The following JMJD1C variants were observed in gnomAD, a reference collection of about 807,000 sequenced individuals.
JMJD1C encodes jumonji domain containing 1C.
JMJD1C carries 31 observed loss-of-function variants against 245.3 expected under a neutral mutation model. The ratio of observed to expected loss-of-function variants is 0.13; its 90% CI spans 0.09 to 0.17. The LOEUF is 0.17. JMJD1C is among the 10% of genes least tolerant of loss of function. JMJD1C has a pLI of 1.00. For synonymous variants in JMJD1C, 1,057 were observed against 1,017.4 expected (o/e 1.04, Z -0.74); for missense variants, 2,691 against 3,000.2 (o/e 0.90, Z 2.41).
intron 2 of JMJD1C, among the ~76,000 whole-genome samples, chr10:63,318,050 C>T (rs1275015114): frequency 6.6e-6 from 1 of 152,170 alleles, no homozygotes; most frequent in Non-Finnish European, 1.5e-5. Flanking sequence ...CTCTATCACC[C>T]AGGCTGGAGT....
chr10:63,221,024 T>C (rs941301547), intron 3 of JMJD1C, among the ~76,000 whole-genome samples: 9 of 149,966 alleles, frequency 6.0e-5, no homozygotes, highest in Non-Finnish European at 1.2e-4. Context: ...GGCAGGAGAA[T>C]GGTGTGAACC....
At chr10:63,266,218 C>A (rs1855555931) in intron 2 of JMJD1C, among the ~76,000 whole-genome samples, 1 of 151,992 alleles carries the variant, frequency 6.6e-6, no homozygotes, top group South Asian at 2.1e-4. Flanking sequence ...ACAGTAATAT[C>A]CTCTCTCCCA....
At chr10:63,398,824 T>C (rs904107561) in intron 1 of JMJD1C, among the ~76,000 whole-genome samples, 1 of 152,122 alleles carries the variant, frequency 6.6e-6, no homozygotes, top group East Asian at 1.9e-4. Context: ...TTTGTATTTT[T>C]AGTAGAGACA....
intron 1 of JMJD1C, among the ~76,000 whole-genome samples, chr10:63,437,974 T>G (rs1391747554): frequency 6.6e-6 from 1 of 152,182 alleles, no homozygotes; most frequent in African/African-American, 2.4e-5. Context: ...CACTTAGGTA[T>G]GTTCTATATT....
At chr10:63,465,192 T>G in intron 1 of JMJD1C, 1 of 359,316 alleles carries the variant, frequency 2.8e-6, no homozygotes, top group South Asian at 7.6e-5. Context: ...TTCGGGGAGG[T>G]CTCCGTGGCC....
intron 2 of JMJD1C, among the ~76,000 whole-genome samples, chr10:63,332,184 G>C (rs933844867): frequency 2.6e-5 from 4 of 152,234 alleles, no homozygotes; most frequent in Admixed American, 2.6e-4. Context: ...CATGACATCA[G>C]ACTTCTAAGT....
chr10:63,362,820 A>G (rs550921195), intron 2 of JMJD1C, among the ~76,000 whole-genome samples: 7 of 152,258 alleles, frequency 4.6e-5, no homozygotes, highest in Admixed American at 3.3e-4. Flanking sequence ...AAATATGATC[A>G]GTGCTTAGAA....
intron 1 of JMJD1C, among the ~76,000 whole-genome samples, chr10:63,459,323 C>CAGTTATTT (rs1263177981): frequency 6.6e-6 from 1 of 152,178 alleles, no homozygotes; most frequent in Non-Finnish European, 1.5e-5. Context: ...AGTGGACCTA[C>CAGTTATTT]AGTTATTTAT....
intron 2 of JMJD1C, among the ~76,000 whole-genome samples, chr10:63,353,668 A>G (rs2134306459): frequency 6.6e-6 from 1 of 151,824 alleles, no homozygotes; most frequent in Admixed American, 6.6e-5. Context: ...GGCGCGCACC[A>G]CCACGCCCAG....
intron 1 of JMJD1C, 37 bp from the exon 2 acceptor site, chr10:63,380,519 TAGA>T: frequency 6.5e-7 from 1 of 1,539,330 alleles, no homozygotes; most frequent in Non-Finnish European, 8.9e-7. Flanking sequence ...ATTAGCAAAA[TAGA>T]AGAGTGGTAT....
chr10:63,196,547 G>A (rs929854354), intron 13 of JMJD1C, among the ~76,000 whole-genome samples: 2 of 152,120 alleles, frequency 1.3e-5, no homozygotes, highest in African/African-American at 4.8e-5. Context: ...AATCCTATCA[G>A]TAGAAGATAC....
At chr10:63,350,354 A>AT (rs1165496366) in intron 2 of JMJD1C, among the ~76,000 whole-genome samples, 1 of 152,144 alleles carries the variant, frequency 6.6e-6, no homozygotes, top group East Asian at 1.9e-4. Flanking sequence ...CATACTGCCA[A>AT]TTTTATTGCT....
chr10:63,470,681 A>G (rs550238780), upstream of JMJD1C, among the ~76,000 whole-genome samples: 1 of 152,324 alleles, frequency 6.6e-6, no homozygotes, highest in South Asian at 2.1e-4. Flanking sequence ...TGGAGCCAAT[A>G]TACAAACATA....
chr10:63,443,332 C>T (rs1172621345), intron 1 of JMJD1C, among the ~76,000 whole-genome samples: 2 of 152,080 alleles, frequency 1.3e-5, no homozygotes, highest in Non-Finnish European at 2.9e-5. Context: ...CTTCTTTTGA[C>T]ACAGGGTCTG....
chr10:63,520,215 A>C (rs1047449810), intron 1 of JMJD1C, among the ~76,000 whole-genome samples: 4 of 152,202 alleles, frequency 2.6e-5, no homozygotes, highest in Non-Finnish European at 5.9e-5. Flanking sequence ...AGTATTTCCT[A>C]AACATATTAT....
chr10:63,404,755 A>G (rs10740123), intron 1 of JMJD1C, among the ~76,000 whole-genome samples: 100,358 of 152,098 alleles, frequency 0.66, 36,062 homozygotes, highest in Non-Finnish European at 0.81. Context: ...ACAACATAGT[A>G]ATTAGGGAAG....
chr10:63,299,156 T>C lies in JMJD1C; in HGVS notation c.334-34392A>G, dbSNP rs149643591. On this transcript the variant is annotated intron_variant, in intron 2 of 25. Coordinates refer to ENST00000399262, the MANE Select transcript of JMJD1C (RefSeq NM_032776.3). Reference sequence around the variant, plus strand: ...TGAAAAGTTTAGAAATAAAGATATATGAAATATCCTTAAACATTATAACTG... The same window carrying C: ...TGAAAAGTTTAGAAATAAAGATATACGAAATATCCTTAAACATTATAACTG... Among the ~76,000 whole-genome samples the C allele has an allele frequency of 2.0e-4, 30 of 152,296 alleles. No individual in the cohort carries two copies. In the East Asian group the frequency reaches 4.6e-3, roughly 23 times the overall value.
chr10:63,231,252 G>C (rs1283853009), intron 3 of JMJD1C, among the ~76,000 whole-genome samples: 1 of 152,148 alleles, frequency 6.6e-6, no homozygotes, highest in Admixed American at 6.6e-5. Flanking sequence ...TGATTACTTT[G>C]ATTTTCTAAA....
intron 3 of JMJD1C, among the ~76,000 whole-genome samples, chr10:63,229,112 G>A (rs986605763): frequency 6.6e-6 from 1 of 152,030 alleles, no homozygotes; most frequent in African/African-American, 2.4e-5. Flanking sequence ...AATCTCTTAA[G>A]CTCTCTATGT....
Sources: gnomAD v4.1 joint callset for allele counts (sites outside exome capture counted in the v4.1 genomes callset) on GRCh38, gnomAD v4.1.1 for gene constraint, MANE v1.5 for transcripts, NCBI Gene and HGNC (gene_info 2026-07-23, HGNC 2026-07-21) for gene names.